Variants in ANKH observed in about 807,000 individuals in gnomAD.
ANKH encodes mineralization regulator ANKH.
Under a neutral mutation model 49.0 loss-of-function variants are expected in ANKH, and 15 were observed. That is an observed-to-expected ratio of 0.31 (90% CI 0.20 to 0.47). The LOEUF is 0.47. Ranked by LOEUF, ANKH falls within the 20% of genes least tolerant of loss-of-function variation. ANKH has a pLI of 1.00. For missense variants in ANKH, 429 were observed against 652.0 expected (o/e 0.66, Z 3.72); for synonymous variants, 273 against 260.0 (o/e 1.05, Z -0.48).
intron 1 of ANKH, among the ~76,000 whole-genome samples, chr5:14,801,542 G>A (rs532206054): frequency 8.5e-4 from 130 of 152,308 alleles, no homozygotes; most frequent in Middle Eastern, 3.4e-3. Context: ...ATTTCTCAAA[G>A]ACTTTGTCAA....
intron 1 of ANKH, among the ~76,000 whole-genome samples, chr5:14,782,605 A>C (rs539635902): frequency 2.5e-3 from 388 of 152,360 alleles, no homozygotes; most frequent in African/African-American, 9.1e-3. Context: ...CTATCTTTAC[A>C]AAAAATTCCA....
chr5:14,750,770 A>AG (rs1738686218), intron 5 of ANKH, among the ~76,000 whole-genome samples: 1 of 152,200 alleles, frequency 6.6e-6, no homozygotes, highest in Non-Finnish European at 1.5e-5. Flanking sequence ...ATAACTTATA[A>AG]GAGCAAGAAA....
chr5:14,780,069 T>TG (rs1739760228), intron 1 of ANKH, among the ~76,000 whole-genome samples: 1 of 145,684 alleles, frequency 6.9e-6, no homozygotes, highest in South Asian at 2.3e-4. Flanking sequence ...TTTTTTTTTT[T>TG]TCTGACCAGG....
chr5:14,734,138 G>A (rs1030989616), intron 8 of ANKH, among the ~76,000 whole-genome samples: 9 of 152,022 alleles, frequency 5.9e-5, no homozygotes, highest in East Asian at 1.9e-4. Context: ...TCAATTCTTT[G>A]CCTTCTACTT....
intron 8 of ANKH, among the ~76,000 whole-genome samples, chr5:14,729,617 G>A (rs1432930186): frequency 6.6e-6 from 1 of 152,108 alleles, no homozygotes; most frequent in Non-Finnish European, 1.5e-5. Context: ...TGCCAGCTGT[G>A]CCTTCCAAGA....
intron 1 of ANKH, among the ~76,000 whole-genome samples, chr5:14,780,990 T>C (rs1034444591): frequency 3.9e-5 from 6 of 152,216 alleles, no homozygotes; most frequent in African/African-American, 1.4e-4. Context: ...GACGTACATG[T>C]GCAGGCACAG....
At chr5:14,807,417 C>T (rs1740741986) in intron 1 of ANKH, among the ~76,000 whole-genome samples, 1 of 152,068 alleles carries the variant, frequency 6.6e-6, no homozygotes, top group Non-Finnish European at 1.5e-5. Context: ...ACCCAGGCTG[C>T]CATGATATTC....
chr5:14,732,469 TTA>T (rs1414475931), intron 8 of ANKH, among the ~76,000 whole-genome samples: 1 of 151,964 alleles, frequency 6.6e-6, no homozygotes, highest in Non-Finnish European at 1.5e-5. Flanking sequence ...ACTATAAACT[TTA>T]TATTTATCTA....
At chr5:14,820,427 G>T (rs1172334544) in intron 1 of ANKH, among the ~76,000 whole-genome samples, 5 of 152,210 alleles carry the variant, frequency 3.3e-5, no homozygotes, top group African/African-American at 4.8e-5. Flanking sequence ...ATAGGGGAAA[G>T]AGATGGAGCT....
intron 1 of ANKH, 69 bp from the exon 2 acceptor site, chr5:14,769,260 A>C (rs770249839): frequency 4.4e-5 from 58 of 1,324,382 alleles, no homozygotes; most frequent in Non-Finnish European, 5.9e-5. Flanking sequence ...CATACCTCTA[A>C]GATGAAATTC....
chr5:14,723,349 C>CTT (rs775497570), intron 8 of ANKH, among the ~76,000 whole-genome samples: 1,676 of 36,980 alleles, frequency 0.045, 32 homozygotes, highest in African/African-American at 0.11. Context: ...AGAAGTTATT[C>CTT]TTTTTTTAAA....
chr5:14,731,060 C>T (rs890833296), intron 8 of ANKH, among the ~76,000 whole-genome samples: 4 of 152,194 alleles, frequency 2.6e-5, no homozygotes, highest in African/African-American at 7.2e-5. Context: ...GGGGACACTG[C>T]TGCATGGGAA....
chr5:14,833,224 C>T (rs368917687), intron 1 of ANKH, among the ~76,000 whole-genome samples: 6 of 152,218 alleles, frequency 3.9e-5, no homozygotes, highest in African/African-American at 9.6e-5. Context: ...TATAGCATTG[C>T]CATATATTTT....
In ANKH at chr5:14,749,584, C is replaced by T. The variant is rs1436062959; in HGVS notation, c.688-278G>A. ...AACCACTCTTTTCCATACTGAGACTCGGGGAATCTCTAACCAAGGTAGAAC... is the reference window on the plus strand; with the variant it reads ...AACCACTCTTTTCCATACTGAGACTTGGGGAATCTCTAACCAAGGTAGAAC... On this transcript the variant is annotated intron_variant, in intron 5 of 11. Transcript: ENST00000284268. Among the ~76,000 whole-genome samples, 10 of 152,332 alleles carry T rather than the reference C, an allele frequency of 6.6e-5. No homozygotes were observed. In the East Asian group the frequency reaches 9.6e-4, roughly 15 times the overall value.
intron 1 of ANKH, among the ~76,000 whole-genome samples, chr5:14,780,850 CA>C (rs1341325446): frequency 2.6e-5 from 4 of 152,186 alleles, no homozygotes; most frequent in African/African-American, 7.2e-5. Context: ...TCTACAGCTT[CA>C]ATGATCTCAT....
intron 8 of ANKH, 165 bp from the exon 9 acceptor site, chr5:14,717,000 T>C: frequency 2.5e-6 from 2 of 810,576 alleles, no homozygotes; most frequent in East Asian, 5.8e-5. Flanking sequence ...TGCTTGACTC[T>C]CTTCTGACCA....
intron 4 of ANKH, among the ~76,000 whole-genome samples, chr5:14,755,158 A>C (rs1738846518): frequency 6.6e-6 from 1 of 152,084 alleles, no homozygotes; most frequent in Non-Finnish European, 1.5e-5. Flanking sequence ...CAAATCCCTG[A>C]CTGTAGGAAC....
At position 14,751,640 on chromosome 5, in the gene ANKH, G is replaced by A. The variant is rs189485819; in HGVS notation, c.517-401C>T. Among the ~76,000 whole-genome samples, 272 of 152,168 alleles carry A rather than the reference G, an allele frequency of 1.8e-3. 2 individuals carry two copies. The highest frequency in any genetic ancestry group is 5.9e-3 in the African/African-American group (246 of 41,520). On this transcript the variant is annotated intron_variant, in intron 4 of 11. Transcript: ENST00000284268. ...AAGCACTGCATGTGTGCACCAAACCGAGAGATTTTTTGTACCATTGTGTGA... is the reference window on the plus strand; with the variant it reads ...AAGCACTGCATGTGTGCACCAAACCAAGAGATTTTTTGTACCATTGTGTGA...
chr5:14,762,925 G>T (rs867660553), intron 2 of ANKH, among the ~76,000 whole-genome samples: 1 of 152,204 alleles, frequency 6.6e-6, no homozygotes, highest in East Asian at 1.9e-4. Flanking sequence ...TTGAACAGAT[G>T]TAAACAAATT....
Sources: gnomAD v4.1 joint callset for allele counts (sites outside exome capture counted in the v4.1 genomes callset) on GRCh38, gnomAD v4.1.1 for gene constraint, MANE v1.5 for transcripts, NCBI Gene and HGNC (gene_info 2026-07-23, HGNC 2026-07-21) for gene names.